The following RP1 variants were observed in gnomAD, a reference collection of about 807,000 sequenced individuals.
The protein encoded by RP1 is RP1 axonemal microtubule associated.
A neutral mutation model predicts 14.8 loss-of-function variants in RP1; 16 were observed. The observed-to-expected ratio is 1.08, with a 90% CI of 0.73 to 1.65. The LOEUF is 1.65. Among genes scored for constraint, RP1 ranks in the 40% most tolerant of loss-of-function variants. The probability of loss-of-function intolerance (pLI) is 0.00; values close to 1 mark genes in which losing one functional copy is unlikely to be tolerated. For missense variants in RP1, 2,631 were observed against 2,535.0 expected (o/e 1.04, Z -0.81); for synonymous variants, 876 against 883.6 (o/e 0.99, Z 0.15).
intron 15 of RP1, among the ~76,000 whole-genome samples, chr8:54,712,610 G>T (rs748488948): frequency 1.3e-5 from 2 of 152,024 alleles, no homozygotes; most frequent in Non-Finnish European, 2.9e-5. Context: ...CCTTTACTCT[G>T]GTACTTTTAT....
intron 24 of RP1, among the ~76,000 whole-genome samples, chr8:54,786,144 G>A (rs988626553): frequency 6.6e-6 from 1 of 152,022 alleles, no homozygotes; most frequent in Non-Finnish European, 1.5e-5. Flanking sequence ...TTTCAAATCG[G>A]ACTGAAGAGT....
At chr8:54,743,506 CATTT>C (rs1323472066) in intron 19 of RP1, among the ~76,000 whole-genome samples, 1 of 152,114 alleles carries the variant, frequency 6.6e-6, no homozygotes, top group East Asian at 1.9e-4. Flanking sequence ...TTCAAAATTT[CATTT>C]ATTTATTCAT....
intron 7 of RP1, among the ~76,000 whole-genome samples, chr8:54,672,728 A>G (rs1333793949): frequency 6.6e-6 from 1 of 152,168 alleles, no homozygotes; most frequent in East Asian, 1.9e-4. Context: ...GTTAATATGC[A>G]TGTAATATTT....
chr8:54,697,478 C>G (rs1807896789), intron 12 of RP1, among the ~76,000 whole-genome samples: 1 of 152,156 alleles, frequency 6.6e-6, no homozygotes, highest in Non-Finnish European at 1.5e-5. Flanking sequence ...TCACTTGAAC[C>G]TGGGAGGCAG....
chr8:54,839,015 T>C (rs1013354633), intron 25 of RP1, among the ~76,000 whole-genome samples: 1 of 152,194 alleles, frequency 6.6e-6, no homozygotes, highest in Admixed American at 6.5e-5. Context: ...CATACAATAA[T>C]TCCACAAGAA....
intron 15 of RP1, among the ~76,000 whole-genome samples, chr8:54,719,044 A>G (rs1165123885): frequency 6.6e-6 from 1 of 152,178 alleles, no homozygotes; most frequent in Non-Finnish European, 1.5e-5. Context: ...GGTCTATGGT[A>G]AGGCCCAAAC....
intron 28 of RP1, among the ~76,000 whole-genome samples, chr8:54,867,410 G>T (rs543993523): frequency 6.6e-6 from 1 of 152,212 alleles, no homozygotes; most frequent in Non-Finnish European, 1.5e-5. Context: ...ATTTTTGAAA[G>T]AAATCTTAGT....
In RP1 at chr8:54,622,484, C is replaced by G. The variant is rs181614973; in HGVS notation, c.787+196C>G. ...TCATAGATATTATCTATTTTTTAGA[C>G]TTTTCCAAATCAATGGTATGCCTAT... On this transcript the variant is annotated intron_variant, in intron 3 of 3. Coordinates refer to ENST00000220676, the MANE Select transcript of RP1 (RefSeq NM_006269.2). 4.6e-5 allele frequency among the ~76,000 whole-genome samples: 7 copies of G among 152,234 alleles called. No individual in the cohort carries two copies. In the East Asian group the frequency reaches 7.7e-4, roughly 17 times the overall value.
intron 24 of RP1, among the ~76,000 whole-genome samples, chr8:54,830,553 ATCCTT>A (rs1320176562): frequency 6.6e-6 from 1 of 151,886 alleles, no homozygotes; most frequent in Admixed American, 6.6e-5. Context: ...TCATTTTTCC[ATCCTT>A]TCCTTTTTTA....
rs781308014 is a variant in RP1 at position 54,626,440 on chromosome 8, A to G, written c.2558A>G (p.Lys853Arg). Residue 853 changes from lysine (K) to arginine (R), a missense_variant, in exon 4 of 4, where the codon AAG (lysine) becomes AGG (arginine). Coordinates refer to ENST00000220676, the MANE Select transcript of RP1 (RefSeq NM_006269.2). ...ASGYLRGMAK[K>R]SLVSKVTDSH... is the part of the protein sequence containing the mutation. Reference sequence around the variant, plus strand: ...GGGTATTTGAGAGGAATGGCAAAGAAGAGTTTAGTTTCAAAAGTTACTGAT... The same window carrying G: ...GGGTATTTGAGAGGAATGGCAAAGAGGAGTTTAGTTTCAAAAGTTACTGAT... 5 of 1,613,824 alleles carry G rather than the reference A, an allele frequency of 3.1e-6. No individual in the cohort carries two copies. Among genetic ancestry groups the G allele is most frequent in the African/African-American group, 1.3e-5 (1 of 75,012 alleles).
Position 54,629,279 on chromosome 8 carries a change from A to ACTC in RP1, c.5398_5400dup (p.Leu1800dup), listed in dbSNP as rs746500158. Reference sequence around the variant, plus strand: ...TGGCCCCAGGCCCAACGATGGATGAACTCTCCTCTTCAGAACTCGAGGAAC... The same window carrying ACTC: ...TGGCCCCAGGCCCAACGATGGATGAACTCCTCTCCTCTTCAGAACTCGAGGAAC... On this transcript the variant is annotated inframe_insertion, in exon 4 of 4. Transcript: ENST00000220676. 1.4e-5 allele frequency: 22 copies of ACTC among 1,613,672 alleles called. No homozygotes were observed. The highest frequency in any genetic ancestry group is 5.5e-5 in the South Asian group (5 of 91,028).
chr8:54,765,700 T>G (rs908568593), intron 22 of RP1, among the ~76,000 whole-genome samples: 4 of 152,206 alleles, frequency 2.6e-5, no homozygotes, highest in Admixed American at 2.6e-4. Flanking sequence ...TTCTTCTGCT[T>G]ACTGAAATTC....
At chr8:54,667,367 T>C (rs1807042420) in intron 7 of RP1, among the ~76,000 whole-genome samples, 1 of 152,020 alleles carries the variant, frequency 6.6e-6, no homozygotes, top group Non-Finnish European at 1.5e-5. Context: ...GGTTTATGTC[T>C]CCCCTAACTT....
chr8:54,616,212 A>G lies in RP1; in HGVS notation c.-13+10A>G, dbSNP rs1177524191. The G allele has an allele frequency of 6.6e-6, 1 of 152,244 alleles. No homozygotes were observed. The highest frequency in any genetic ancestry group is 1.9e-4 in the East Asian group (1 of 5,200). 9.4% of individuals were successfully genotyped at this position (152,244 alleles called of 1,614,324 possible). A position where few individuals can be genotyped will look rare whatever the true frequency, so the allele number is the denominator to read the frequency against. On this transcript the variant is annotated intron_variant, in intron 1 of 3. Transcript: ENST00000220676. Reference sequence around the variant, plus strand: ...GACGTTTCAAGTTGTGGTAAGTACAAAACTATTTGAAATCTTTCTTTGGAA... The same window carrying G: ...GACGTTTCAAGTTGTGGTAAGTACAGAACTATTTGAAATCTTTCTTTGGAA...
rs183867912 is a variant in RP1, at chr8:54,601,064, A to G, written c.-12-19891A>G. Among the ~76,000 whole-genome samples, 23 of 152,290 alleles carry G rather than the reference A, an allele frequency of 1.5e-4. No homozygotes were observed. The East Asian group carries it at 2.9e-3, about 19-fold the overall frequency. ...GGTCTCCTCCATTTCGGTCTGGACTATTCTCTGCAACTAATCTGACCATTT... is the reference window on the plus strand; with the variant it reads ...GGTCTCCTCCATTTCGGTCTGGACTGTTCTCTGCAACTAATCTGACCATTT... On this transcript the variant is annotated intron_variant, in intron 1 of 22. Transcript: ENST00000636932.
At chr8:54,736,512 G>A (rs1198620524) in intron 18 of RP1, among the ~76,000 whole-genome samples, 2 of 152,180 alleles carry the variant, frequency 1.3e-5, no homozygotes, top group African/African-American at 4.8e-5. Flanking sequence ...GAATGCCTGG[G>A]AAGGTGTGTG....
intron 7 of RP1, among the ~76,000 whole-genome samples, chr8:54,664,348 T>C (rs1004385330): frequency 2.0e-5 from 3 of 152,212 alleles, no homozygotes; most frequent in African/African-American, 7.2e-5. Context: ...ATAATGCTAC[T>C]GTGTACATAG....
chr8:54,853,834 GAGAGAAAGAA>G (rs1278682429), intron 26 of RP1, among the ~76,000 whole-genome samples: 3 of 131,670 alleles, frequency 2.3e-5, no homozygotes, highest in South Asian at 2.3e-4. Flanking sequence ...GAAACAAAGA[GAGAGAAAGAA>G]AGAGAAAGGA....
intron 17 of RP1, among the ~76,000 whole-genome samples, chr8:54,730,532 T>C (rs1333758654): frequency 6.6e-6 from 1 of 152,154 alleles, no homozygotes; most frequent in Non-Finnish European, 1.5e-5. Flanking sequence ...CAGTCTCAGC[T>C]TGGAATACAT....
Sources: gnomAD v4.1 joint callset for allele counts (sites outside exome capture counted in the v4.1 genomes callset) on GRCh38, gnomAD v4.1.1 for gene constraint, MANE v1.5 for transcripts, NCBI Gene and HGNC (gene_info 2026-07-23, HGNC 2026-07-21) for gene names.